PPP1R16A: variants seen among roughly 807,000 people sequenced by gnomAD.
PPP1R16A encodes protein phosphatase 1 regulatory subunit 16A.
PPP1R16A carries 39 observed loss-of-function variants against 46.6 expected under a neutral mutation model. The observed-to-expected ratio is 0.84, with a 90% CI of 0.65 to 1.09. The LOEUF is 1.09. PPP1R16A is among the 50% of genes least tolerant of loss of function. The pLI is 0.00. For synonymous variants in PPP1R16A, 413 were observed against 321.5 expected (o/e 1.28, Z -3.04); for missense variants, 798 against 735.6 (o/e 1.08, Z -0.98).
rs989677633 is a variant in PPP1R16A at position 144,493,808 on chromosome 8, A to G, written c.-734-2653A>G. On this transcript the variant is annotated intron_variant, in intron 2 of 11. Coordinates refer to ENST00000435887, the MANE Select transcript of PPP1R16A (RefSeq NM_001329443.2). The surrounding 1 kb of genome is among the most constrained non-coding windows in gnomAD (Gnocchi z 4.3). Reference sequence around the variant, plus strand: ...AGGACAGGAACCTGCCCAGAGTCCCATGGAGACATTGGGCAGCTTCCAGCT... The same window carrying G: ...AGGACAGGAACCTGCCCAGAGTCCCGTGGAGACATTGGGCAGCTTCCAGCT... 1.3e-5 allele frequency among the ~76,000 whole-genome samples: 2 copies of G among 152,108 alleles called. No homozygotes were observed.
rs1217799264 is a variant in PPP1R16A, at chr8:144,498,762, T to C, written c.260-8T>C. ...GGACCCTGTCCTCACCTCGCCACCT[T>C]TTTGCAGTCCGCCAGTTCCTTGGGA... On this transcript the variant is annotated splice_polypyrimidine_tract_variant and splice_region_variant and intron_variant, in intron 3 of 11. Coordinates refer to ENST00000435887, the MANE Select transcript of PPP1R16A (RefSeq NM_001329443.2). 2 of 1,575,574 alleles carry C rather than the reference T, an allele frequency of 1.3e-6. No homozygotes were observed. Among genetic ancestry groups the C allele is most frequent in the Non-Finnish European group, 1.7e-6 (2 of 1,154,534 alleles).
At chr8:144,491,733 A>G (rs1390007228) in intron 2 of PPP1R16A, among the ~76,000 whole-genome samples, 1 of 150,446 alleles carries the variant, frequency 6.6e-6, no homozygotes, top group African/African-American at 2.5e-5. Context: ...ACTGCACTCC[A>G]GCCTGGGCGA....
intron 2 of PPP1R16A, among the ~76,000 whole-genome samples, chr8:144,494,780 C>T (rs1351162254): frequency 6.6e-6 from 1 of 152,138 alleles, no homozygotes; most frequent in East Asian, 1.9e-4. Flanking sequence ...TCTCCTCTTG[C>T]CAGCCCTGTC....
chr8:144,480,850 T>C (rs1825382571), intron 1 of PPP1R16A, among the ~76,000 whole-genome samples: 1 of 152,022 alleles, frequency 6.6e-6, no homozygotes, highest in African/African-American at 2.4e-5. Context: ...CCTATTTTAA[T>C]GGGTTTTGTG....
intron 1 of PPP1R16A, among the ~76,000 whole-genome samples, chr8:144,485,500 G>C (rs1825600499): frequency 6.6e-6 from 1 of 150,636 alleles, no homozygotes; most frequent in South Asian, 2.1e-4. Context: ...CTGCAGCCCG[G>C]GCAACAGAGC....
chr8:144,493,867 C>G lies in PPP1R16A; in HGVS notation c.-734-2594C>G, dbSNP rs1387493286. The stretch of plus-strand genomic sequence containing the variant: ...GGGCCTGCTAGGGTGGGGCCAAGTG[C>G]CCTGTGAGCCGTGCTGGGTGGGGTG... On this transcript the variant is annotated intron_variant, in intron 2 of 11. Coordinates refer to ENST00000435887, the MANE Select transcript of PPP1R16A (RefSeq NM_001329443.2). The surrounding 1 kb of genome is among the most constrained non-coding windows in gnomAD (Gnocchi z 4.3). Among the ~76,000 whole-genome samples the G allele has an allele frequency of 2.6e-5, 4 of 152,068 alleles. No individual in the cohort carries two copies. The highest frequency in any genetic ancestry group is 9.7e-5 in the African/African-American group (4 of 41,412).
chr8:144,491,589 C>A (rs1471861965), intron 2 of PPP1R16A, among the ~76,000 whole-genome samples: 1 of 152,038 alleles, frequency 6.6e-6, no homozygotes, highest in African/African-American at 2.4e-5. Flanking sequence ...CGGTGAAACC[C>A]CATCTCTACT....
At chr8:144,483,135 TATGTTGTGTGGCTG>T (rs1327109805) in intron 1 of PPP1R16A, among the ~76,000 whole-genome samples, 2 of 152,212 alleles carry the variant, frequency 1.3e-5, no homozygotes, top group African/African-American at 2.4e-5. Context: ...CCTTCTTTTT[TATGTTGTGTGGCTG>T]ACAGAGTTAC....
At chr8:144,494,747 T>C (rs1825975197) in intron 2 of PPP1R16A, among the ~76,000 whole-genome samples, 1 of 152,098 alleles carries the variant, frequency 6.6e-6, no homozygotes, top group South Asian at 2.1e-4. Context: ...GGTCCAGAGA[T>C]GCTAATGACA....
At chr8:144,484,179 C>T (rs1461840070) in intron 1 of PPP1R16A, among the ~76,000 whole-genome samples, 1 of 152,276 alleles carries the variant, frequency 6.6e-6, no homozygotes, top group Non-Finnish European at 1.5e-5. Context: ...AGGTCCCCTT[C>T]CCACAGCCCC....
intron 7 of PPP1R16A, 28 bp downstream of exon 7, chr8:144,500,419 G>A: frequency 6.6e-7 from 1 of 1,516,714 alleles, no homozygotes; most frequent in Non-Finnish European, 8.8e-7. Flanking sequence ...AGGGGCACAC[G>A]GGGCTGGGGG....
At chr8:144,492,733 C>T (rs2130363811) in intron 2 of PPP1R16A, among the ~76,000 whole-genome samples, 1 of 152,278 alleles carries the variant, frequency 6.6e-6, no homozygotes, top group South Asian at 2.1e-4. Context: ...TTCGCTCCGC[C>T]TGTAGAAGCA....
At position 144,500,149 on chromosome 8, in the gene PPP1R16A, G is replaced by C. The variant is rs1564770123; in HGVS notation, c.530G>C (p.Cys177Ser). The C allele has an allele frequency of 6.2e-7, 1 of 1,612,418 alleles. No individual in the cohort carries two copies. Among genetic ancestry groups the C allele is most frequent in the Non-Finnish European group, 8.5e-7 (1 of 1,179,368 alleles). Reference protein sequence around the residue: ...NTDGNMPYDLCDDEQTLDCLE... With the variant: ...NTDGNMPYDLSDDEQTLDCLE... The stretch of plus-strand genomic sequence containing the variant: ...GACGGGAACATGCCCTATGACCTGT[G>C]TGATGATGAGCAGACGCTGGACTGC... The change falls in exon 6 of 12, where the codon TGT (cysteine) becomes TCT (serine). Residue 177 changes from cysteine to serine, a missense_variant. Transcript: ENST00000435887.
chr8:144,494,794 A>G (rs1825977536), intron 2 of PPP1R16A, among the ~76,000 whole-genome samples: 1 of 152,108 alleles, frequency 6.6e-6, no homozygotes, highest in Admixed American at 6.5e-5. Flanking sequence ...CCCTGTCAGG[A>G]AGAGGGTGTG....
intron 11 of PPP1R16A, 81 bp from the exon 12 acceptor site, chr8:144,501,439 T>A: frequency 2.0e-6 from 3 of 1,482,076 alleles, no homozygotes; most frequent in Non-Finnish European, 2.7e-6. Context: ...TGTCTGTCCC[T>A]TCATGACCAT....
At chr8:144,483,566 C>T (rs578054965) in intron 1 of PPP1R16A, among the ~76,000 whole-genome samples, 4 of 152,252 alleles carry the variant, frequency 2.6e-5, no homozygotes, top group East Asian at 1.9e-4. Flanking sequence ...CATGCCGCCA[C>T]GACCGGCTTT....
In PPP1R16A at chr8:144,480,522, C is replaced by T. The variant is rs191946740; in HGVS notation, c.-914+2395C>T. ...TTTTTTTTTGAGACAGAGTCTTGCT[C>T]TGTAGCCAGGCTGCAGTGCAGTGGT... On this transcript the variant is annotated intron_variant, in intron 1 of 11. Coordinates refer to ENST00000435887, the MANE Select transcript of PPP1R16A (RefSeq NM_001329443.2). Among the ~76,000 whole-genome samples the T allele has an allele frequency of 3.8e-3, 578 of 150,812 alleles. 3 individuals carry two copies. Among genetic ancestry groups the T allele is most frequent in the Middle Eastern group, 0.017 (5 of 288 alleles).
In PPP1R16A at chr8:144,499,057, G is replaced by T. The variant is rs780371252; in HGVS notation, c.472G>T (p.Ala158Ser). The change falls in exon 5 of 12, where the codon GCC becomes TCC. Residue 158 changes from alanine (A) to serine (S), a missense_variant. Transcript: ENST00000435887. ...GHLHLVELLI[A>S]SGANLLAVNT... is the part of the protein sequence containing the mutation. ...CCTGCACCTGGTGGAGCTGCTCATC[G>T]CCAGGTAGGGCCTGTTGGGCGTCCT... 41 of 1,574,274 alleles carry T rather than the reference G, an allele frequency of 2.6e-5. No homozygotes were observed. The highest frequency in any genetic ancestry group is 3.2e-5 in the Non-Finnish European group (37 of 1,157,204).
rs1483143975 is a variant in PPP1R16A at position 144,501,625 on chromosome 8, A to C, written c.1309A>C (p.Ser437Arg). ...RLDRSVSYQL[S>R]PLDSTTPHTL... ...AGACCGGAGTGTCTCCTACCAGCTG[A>C]GCCCCCTGGACAGCACCACCCCCCA... Residue 437 changes from serine (S) to arginine (R), a missense_variant, in exon 12 of 12, where the codon AGC (serine) becomes CGC (arginine). Coordinates refer to ENST00000435887, the MANE Select transcript of PPP1R16A (RefSeq NM_001329443.2). 6.2e-7 allele frequency: 1 copy of C among 1,610,514 alleles called. No individual in the cohort carries two copies. Among genetic ancestry groups the C allele is most frequent in the Non-Finnish European group, 8.5e-7 (1 of 1,178,876 alleles).
Sources: allele counts gnomAD v4.1 joint callset (sites outside exome capture counted in the v4.1 genomes callset), GRCh38; gene constraint gnomAD v4.1.1; non-coding constraint Gnocchi (gnomAD v3.1); transcripts MANE v1.5; gene names NCBI Gene and HGNC (gene_info 2026-07-23, HGNC 2026-07-21).